TIAM1: variants seen among roughly 807,000 people sequenced by gnomAD.
The protein encoded by TIAM1 is rho guanine nucleotide exchange factor TIAM1.
In TIAM1, 65 loss-of-function variants were observed where a neutral mutation model predicts 163.5. The observed-to-expected ratio is 0.40, with a 90% CI of 0.33 to 0.49. TIAM1 has a LOEUF of 0.49. TIAM1 is among the 20% of genes least tolerant of loss of function. The probability of loss-of-function intolerance (pLI) is 0.77; values close to 1 mark genes in which losing one functional copy is unlikely to be tolerated. For synonymous variants in TIAM1, 833 were observed against 810.1 expected (o/e 1.03, Z -0.48); for missense variants, 1,789 against 2,044.7 (o/e 0.87, Z 2.41).
At chr21:31,516,671 TAAA>T (rs375716984) in intron 1 of TIAM1, among the ~76,000 whole-genome samples, 1 of 122,240 alleles carries the variant, frequency 8.2e-6, no homozygotes. Context: ...GGACTTACCC[TAAA>T]AAAAAAAAAA....
intron 18 of TIAM1, 47 bp downstream of exon 18, chr21:31,153,019 C>T: frequency 6.4e-7 from 1 of 1,569,134 alleles, no homozygotes; most frequent in East Asian, 2.2e-5. Flanking sequence ...ACCAACAAGT[C>T]AAACCACGGT....
intron 8 of TIAM1, among the ~76,000 whole-genome samples, chr21:31,219,448 A>C (rs1435800644): frequency 1.3e-5 from 2 of 152,214 alleles, no homozygotes; most frequent in Non-Finnish European, 2.9e-5. Flanking sequence ...GACAGATGCC[A>C]ATTGGCAGCA....
At position 31,452,487 on chromosome 21, in the gene TIAM1, T is replaced by C. The variant is rs143701424; in HGVS notation, c.-369+11496A>G. ...CGCCATGGCTATGACTAGTGTCAAA[T>C]TGCTTGCCATTGTTTTAAGAAAGCC... On this transcript the variant is annotated intron_variant, in intron 2 of 28. Coordinates refer to the TIAM1 transcript ENST00000286827. 28 of 548,846 alleles carry C rather than the reference T, an allele frequency of 5.1e-5. No homozygotes were observed. In the East Asian group the frequency reaches 1.1e-3, roughly 21 times the overall value. The allele number at this position is 548,846 out of a possible 1,614,324, so 34.0% of individuals were successfully genotyped here. A position where few individuals can be genotyped will look rare whatever the true frequency, so the allele number is the denominator to read the frequency against.
intron 1 of TIAM1, among the ~76,000 whole-genome samples, chr21:31,471,897 T>TAA (rs1372581155): frequency 0.01 from 182 of 17,416 alleles, no homozygotes; most frequent in Non-Finnish European, 0.019. Context: ...ATAATAATAA[T>TAA]AATAAAGGGA....
chr21:31,452,927 CAA>C (rs2044924400), intron 2 of TIAM1: 3 of 513,562 alleles, frequency 5.8e-6, no homozygotes. Context: ...TTGGGAGAAA[CAA>C]AGTGGAAGAT....
At chr21:31,314,406 C>A (rs997959539) in intron 2 of TIAM1, among the ~76,000 whole-genome samples, 4 of 152,024 alleles carry the variant, frequency 2.6e-5, no homozygotes, top group African/African-American at 9.7e-5. Flanking sequence ...TTTGACCCTA[C>A]CTATGAAGAA....
At chr21:31,163,490 T>C (rs1401431050) in intron 16 of TIAM1, among the ~76,000 whole-genome samples, 2 of 152,228 alleles carry the variant, frequency 1.3e-5, no homozygotes, top group Admixed American at 6.5e-5. Context: ...AATATTAATG[T>C]TGCTTTCAAA....
At position 31,304,547 on chromosome 21, in the gene TIAM1, G is replaced by A. The variant is rs1297757720; in HGVS notation, c.-188-27639C>T. Among the ~76,000 whole-genome samples, 13 of 152,308 alleles carry A rather than the reference G, an allele frequency of 8.5e-5. 1 individual carries two copies. In the East Asian group the frequency reaches 1.7e-3, roughly 20 times the overall value. ...ACCGTATGCCACAGGTAAGAGCACCGTGCTAAAATATCAACGTGGTTAAGA... is the reference window on the plus strand; with the variant it reads ...ACCGTATGCCACAGGTAAGAGCACCATGCTAAAATATCAACGTGGTTAAGA... On this transcript the variant is annotated intron_variant, in intron 2 of 27. Transcript: ENST00000541036.
intron 14 of TIAM1, among the ~76,000 whole-genome samples, chr21:31,184,906 T>A (rs951291457): frequency 6.6e-6 from 1 of 152,158 alleles, no homozygotes; most frequent in Non-Finnish European, 1.5e-5. Context: ...CATAGCCAAG[T>A]CCGCGGTTGT....
intron 2 of TIAM1, among the ~76,000 whole-genome samples, chr21:31,412,857 G>A (rs1263572440): frequency 6.6e-6 from 1 of 150,774 alleles, no homozygotes; most frequent in African/African-American, 2.4e-5. Context: ...TTCACAATAG[G>A]GCTCATGCTC....
At chr21:31,162,883 T>A (rs576142897) in intron 16 of TIAM1, among the ~76,000 whole-genome samples, 2 of 152,280 alleles carry the variant, frequency 1.3e-5, no homozygotes, top group African/African-American at 2.4e-5. Context: ...CCCTTCATGT[T>A]CCAGATAAGT....
rs1171736524 is a variant in TIAM1 at position 31,182,544 on chromosome 21, G to A, written c.2764C>T (p.Leu922Phe). 1.2e-6 allele frequency: 2 copies of A among 1,613,988 alleles called. No individual in the cohort carries two copies. Among genetic ancestry groups the A allele is most frequent in the African/African-American group, 1.3e-5 (1 of 74,950 alleles). Reference sequence around the variant, plus strand: ...AGCTCGGGGTAGGTCCTCACCAGGAGGCCCAGCGAGGGCTGTGAGAGGAAA... The same window carrying A: ...AGCTCGGGGTAGGTCCTCACCAGGAAGCCCAGCGAGGGCTGTGAGAGGAAA... ...KDFLSQPSLG[L>F]LVRTYPELEE... The change falls in exon 15 of 28, where the codon CTC (leucine) becomes TTC (phenylalanine). Residue 922 changes from leucine to phenylalanine, a missense_variant. By Grantham distance (22) the Leu-to-Phe change is conservative. This residue lies in a region of TIAM1 where 303 missense variants were observed against 321.3 expected (regional missense o/e 0.94). Transcript: ENST00000541036.
chr21:31,482,060 A>AGTGTGTGTGTGTGTGTGTGTGTGT (rs10523425), intron 1 of TIAM1, among the ~76,000 whole-genome samples: 72 of 145,714 alleles, frequency 4.9e-4, no homozygotes, highest in African/African-American at 1.8e-3. Context: ...ACTGGGACAA[A>AGTGTGTGTGTGTGTGTGTGTGTGT]GTGTGTGTGT....
At chr21:31,424,184 A>G (rs535675843) in intron 2 of TIAM1, among the ~76,000 whole-genome samples, 11 of 152,196 alleles carry the variant, frequency 7.2e-5, no homozygotes, top group Non-Finnish European at 1.3e-4. Flanking sequence ...ATAGATGCAG[A>G]TTCGGTTTTA....
At chr21:31,556,563 G>C (rs1463533507) in intron 1 of TIAM1, among the ~76,000 whole-genome samples, 1 of 151,666 alleles carries the variant, frequency 6.6e-6, no homozygotes, top group Non-Finnish European at 1.5e-5. Context: ...AATCTTTGTC[G>C]TTAAGCCTGA....
rs1048912222 is a variant in TIAM1, at chr21:31,119,563, C to A, written c.*805G>T. 2 of 152,604 alleles carry A rather than the reference C, an allele frequency of 1.3e-5. No individual in the cohort carries two copies. Among genetic ancestry groups the A allele is most frequent in the Non-Finnish European group, 2.9e-5 (2 of 68,038 alleles). 9.5% of individuals were successfully genotyped at this position (152,604 alleles called of 1,614,324 possible). On this transcript the variant is annotated 3_prime_UTR_variant, in exon 28 of 28. Coordinates refer to ENST00000541036, the MANE Select transcript of TIAM1 (RefSeq NM_001353694.2). ...ATAAATATAAAACCACCACGCCTCA[C>A]TCTCTCTGTAAAAGGTTATATCCTC...
chr21:31,180,460 C>G (rs993010399), intron 15 of TIAM1, among the ~76,000 whole-genome samples: 6 of 151,740 alleles, frequency 4.0e-5, no homozygotes, highest in Non-Finnish European at 7.4e-5. Flanking sequence ...TCCAATAAAA[C>G]TTTATTTACA....
At chr21:31,468,255 C>T (rs940732473) in intron 1 of TIAM1, among the ~76,000 whole-genome samples, 3 of 151,752 alleles carry the variant, frequency 2.0e-5, no homozygotes, top group African/African-American at 7.3e-5. Flanking sequence ...GCAGGCGGAT[C>T]ACTGGAGGTG....
Position 31,460,966 on chromosome 21 carries a change from G to C in TIAM1, c.-369+3017C>G, listed in dbSNP as rs183662428. Among the ~76,000 whole-genome samples the C allele has an allele frequency of 2.0e-3, 311 of 152,104 alleles. 2 individuals carry two copies. Among genetic ancestry groups the C allele is most frequent in the African/African-American group, 7.2e-3 (300 of 41,472 alleles). ...CCATTATAATGTAGCACACAATATA[G>C]CCAAAGGAAAAATGAATAACTTAGA... On this transcript the variant is annotated intron_variant, in intron 2 of 28. Coordinates refer to the TIAM1 transcript ENST00000286827.
Sources: gnomAD v4.1 joint callset for allele counts (sites outside exome capture counted in the v4.1 genomes callset) on GRCh38, gnomAD v4.1.1 for gene constraint, gnomAD v4.1.1 regional missense constraint, MANE v1.5 for transcripts, NCBI Gene and HGNC (gene_info 2026-07-23, HGNC 2026-07-21) for gene names.